The following STAU2 variants were observed in gnomAD, a reference collection of about 807,000 sequenced individuals.
STAU2 encodes double-stranded RNA-binding protein Staufen homolog 2.
Under a neutral mutation model 65.9 loss-of-function variants are expected in STAU2, and 20 were observed. The ratio of observed to expected loss-of-function variants is 0.30; its 90% CI spans 0.21 to 0.44. The LOEUF (loss-of-function observed/expected upper bound fraction) is 0.44. STAU2 is among the 20% of genes least tolerant of loss of function. STAU2 has a pLI of 1.00. For synonymous variants in STAU2, 232 were observed against 233.9 expected (o/e 0.99, Z 0.07); for missense variants, 558 against 683.9 (o/e 0.82, Z 2.05).
chr8:73,615,844 C>T, intron 7 of STAU2, 62 bp from the exon 8 acceptor site: 1 of 1,268,196 alleles, frequency 7.9e-7, no homozygotes, highest in Non-Finnish European at 1.1e-6. Flanking sequence ...TACTTTTATT[C>T]TACAGTCAAG....
intron 4 of STAU2, among the ~76,000 whole-genome samples, chr8:73,696,088 G>A (rs890398423): frequency 6.6e-6 from 1 of 152,150 alleles, no homozygotes; most frequent in Non-Finnish European, 1.5e-5. Flanking sequence ...CACTCCATTT[G>A]TTTGGGAGAA....
chr8:73,643,341 C>A (rs757266774), intron 6 of STAU2, among the ~76,000 whole-genome samples: 3 of 152,206 alleles, frequency 2.0e-5, no homozygotes, highest in African/African-American at 7.2e-5. Flanking sequence ...CACCCAGTCA[C>A]ATATTACACA....
chr8:73,569,390 T>C (rs1251830331), intron 12 of STAU2, among the ~76,000 whole-genome samples: 1 of 152,090 alleles, frequency 6.6e-6, no homozygotes, highest in East Asian at 1.9e-4. Context: ...GGGCAGGGCA[T>C]AGCTGAACAA....
chr8:73,494,289 T>C (rs928143447), intron 13 of STAU2, among the ~76,000 whole-genome samples: 1 of 151,642 alleles, frequency 6.6e-6, no homozygotes, highest in Non-Finnish European at 1.5e-5. Context: ...GATGGGTTAA[T>C]AGAGACCCAC....
intron 3 of STAU2, among the ~76,000 whole-genome samples, chr8:73,713,905 C>T (rs115963834): frequency 1.3e-5 from 2 of 151,826 alleles, no homozygotes; most frequent in African/African-American, 4.8e-5. Flanking sequence ...AACACGGTTT[C>T]TTTCCTTTTT....
Position 73,494,354 on chromosome 8 carries a change from G to A in STAU2, c.1530+57658C>T, listed in dbSNP as rs554794301. 2.0e-5 allele frequency among the ~76,000 whole-genome samples: 3 copies of A among 151,766 alleles called. No individual in the cohort carries two copies. The East Asian group carries it at 5.8e-4, about 30-fold the overall frequency. ...AGCAAAATATTAATTATACAATTTAGGTGGTAGGTATGTGGGTATTCACTA... is the reference window on the plus strand; with the variant it reads ...AGCAAAATATTAATTATACAATTTAAGTGGTAGGTATGTGGGTATTCACTA... On this transcript the variant is annotated intron_variant, in intron 13 of 14. Transcript: ENST00000524300.
intron 13 of STAU2, among the ~76,000 whole-genome samples, chr8:73,467,850 A>T (rs1319024721): frequency 3.3e-5 from 5 of 152,224 alleles, no homozygotes; most frequent in Non-Finnish European, 7.3e-5. Flanking sequence ...GGATAGGAAG[A>T]ATCAATATCA....
chr8:73,581,223 G>T (rs945369367), intron 12 of STAU2, among the ~76,000 whole-genome samples: 2 of 151,982 alleles, frequency 1.3e-5, no homozygotes, highest in Non-Finnish European at 2.9e-5. Flanking sequence ...TCTATAAAGT[G>T]ATTTCACGTT....
chr8:73,423,810 C>G (rs1224144762), intron 13 of STAU2, among the ~76,000 whole-genome samples: 1 of 152,146 alleles, frequency 6.6e-6, no homozygotes. Context: ...CCATATTCTT[C>G]CCTCCCCTAA....
At chr8:73,465,245 A>T (rs1819585941) in intron 13 of STAU2, among the ~76,000 whole-genome samples, 1 of 152,208 alleles carries the variant, frequency 6.6e-6, no homozygotes, top group Non-Finnish European at 1.5e-5. Flanking sequence ...TCAGTGCTCA[A>T]GAGTCATTTC....
chr8:73,602,081 T>C (rs1050452777), intron 10 of STAU2, among the ~76,000 whole-genome samples: 1 of 152,026 alleles, frequency 6.6e-6, no homozygotes, highest in African/African-American at 2.4e-5. Context: ...GAGTGACTTA[T>C]CTATGACTAC....
At chr8:73,741,006 GAA>G (rs770291962) in intron 1 of STAU2, among the ~76,000 whole-genome samples, 2 of 62,780 alleles carry the variant, frequency 3.2e-5, no homozygotes, top group Non-Finnish European at 3.2e-5. Flanking sequence ...CTTCATCTCA[GAA>G]AAAAAAAAAA....
chr8:73,746,893 C>CA, upstream of STAU2: 1 of 1,059,366 alleles, frequency 9.4e-7, no homozygotes. Flanking sequence ...CGCCCCCCGC[C>CA]TCCGCCCGCC....
intron 11 of STAU2, among the ~76,000 whole-genome samples, chr8:73,592,791 G>A (rs983861125): frequency 2.0e-5 from 3 of 152,076 alleles, no homozygotes; most frequent in Non-Finnish European, 2.9e-5. Flanking sequence ...CCTGAGAGGC[G>A]GAGGTTGCAG....
In STAU2 at chr8:73,736,895, C is replaced by T. The variant is rs777588776; in HGVS notation, c.-18+1389G>A. Among the ~76,000 whole-genome samples, 73 of 152,190 alleles carry T rather than the reference C, an allele frequency of 4.8e-4. 1 individual carries two copies. The highest frequency in any genetic ancestry group is 1.2e-4 in the Non-Finnish European group (8 of 68,032). ...TACTTTCTTTTTTTGGAACGCATCT[C>T]GCTCTGTAGCCCAGGCTGGAGTGCA... On this transcript the variant is annotated intron_variant, in intron 3 of 14. Coordinates refer to ENST00000524300, the MANE Select transcript of STAU2 (RefSeq NM_001164380.2).
At chr8:73,709,226 GT>G in intron 3 of STAU2, 64 bp from the exon 4 acceptor site, 2 of 1,308,888 alleles carry the variant, frequency 1.5e-6, no homozygotes, top group Non-Finnish European at 2.0e-6. Context: ...AGAAAAACTA[GT>G]TTTGACTTTG....
chr8:73,481,453 C>T (rs942135364), intron 13 of STAU2, among the ~76,000 whole-genome samples: 1 of 149,648 alleles, frequency 6.7e-6, no homozygotes, highest in South Asian at 2.1e-4. Flanking sequence ...TGGCTAGGGT[C>T]CCTTCTAGCT....
chr8:73,498,151 C>T (rs1487620131), intron 13 of STAU2, among the ~76,000 whole-genome samples: 1 of 151,812 alleles, frequency 6.6e-6, no homozygotes, highest in Non-Finnish European at 1.5e-5. Context: ...CATAATACTA[C>T]CTTATTTCTG....
chr8:73,506,896 T>G (rs1200417903), intron 13 of STAU2, among the ~76,000 whole-genome samples: 3 of 152,142 alleles, frequency 2.0e-5, no homozygotes, highest in Non-Finnish European at 4.4e-5. Flanking sequence ...TCACCAGGAG[T>G]AGATTCCGTA....
Sources: gnomAD v4.1 joint callset for allele counts (sites outside exome capture counted in the v4.1 genomes callset) on GRCh38, gnomAD v4.1.1 for gene constraint, MANE v1.5 for transcripts, NCBI Gene and HGNC (gene_info 2026-07-23, HGNC 2026-07-21) for gene names.